Variants in ACTR3C observed in about 807,000 individuals in gnomAD.
ACTR3C encodes actin related protein 3C.
ACTR3C carries 18 observed loss-of-function variants against 26.3 expected under a neutral mutation model. The observed-to-expected ratio is 0.68, with a 90% CI of 0.47 to 1.01. ACTR3C has a LOEUF of 1.01. Ranked by LOEUF, ACTR3C falls within the 50% of genes least tolerant of loss-of-function variation. ACTR3C has a pLI of 0.00. For synonymous variants in ACTR3C, 55 were observed against 94.5 expected, an observed-to-expected ratio of 0.58 and a Z score of 2.42; for missense variants, 184 against 250.7, an observed-to-expected ratio of 0.73 and a Z score of 1.80.
the ACTR3C span, among the ~76,000 whole-genome samples, chr7:150,186,706 G>A: frequency 1.3e-5 from 2 of 152,148 alleles, no homozygotes; most frequent in African/African-American, 4.8e-5. Context: ...CATTGTGTGT[G>A]TTAGAGCTTT....
chr7:150,070,712 A>G, the ACTR3C span, among the ~76,000 whole-genome samples: 1 of 152,078 alleles, frequency 6.6e-6, no homozygotes, highest in South Asian at 2.1e-4. Flanking sequence ...CAGCCTCCCA[A>G]AGTGCTGGGA....
the ACTR3C span, among the ~76,000 whole-genome samples, chr7:150,182,212 A>T: frequency 6.6e-6 from 1 of 150,520 alleles, no homozygotes; most frequent in Admixed American, 6.6e-5. Flanking sequence ...ACAAGAAAAC[A>T]CTATAATCTA....
At chr7:150,041,724 CT>C in the ACTR3C span, among the ~76,000 whole-genome samples, 12 of 137,876 alleles carry the variant, frequency 8.7e-5, no homozygotes, top group African/African-American at 2.6e-4. Context: ...GTGCCTCCCC[CT>C]CCTGCGATGG....
At chr7:150,036,028 G>A in the ACTR3C span, among the ~76,000 whole-genome samples, 8 of 115,184 alleles carry the variant, frequency 6.9e-5, 2 homozygotes, top group African/African-American at 2.7e-4. Context: ...GGGGTCCTAA[G>A]AGCAAAGGTG....
the ACTR3C span, among the ~76,000 whole-genome samples, chr7:149,946,013 C>G: frequency 6.6e-6 from 1 of 152,138 alleles, no homozygotes; most frequent in Non-Finnish European, 1.5e-5. Context: ...GGAAGAGCCT[C>G]CAGAGAGGCC....
At chr7:150,040,056 G>C in the ACTR3C span, among the ~76,000 whole-genome samples, 1 of 138,940 alleles carries the variant, frequency 7.2e-6, no homozygotes, top group Non-Finnish European at 1.5e-5. Context: ...GCCTCGCGGG[G>C]GGTGCCTCCC....
At chr7:150,191,813 G>A in the ACTR3C span, among the ~76,000 whole-genome samples, 1 of 152,150 alleles carries the variant, frequency 6.6e-6, no homozygotes, top group Middle Eastern at 3.4e-3. Flanking sequence ...TGGATCTTTT[G>A]GATTAACCAC....
chr7:150,216,749 G>A, the ACTR3C span, among the ~76,000 whole-genome samples: 2 of 151,886 alleles, frequency 1.3e-5, no homozygotes, highest in Non-Finnish European at 2.9e-5. Flanking sequence ...CAATTTGGGA[G>A]GCCCAGGTGG....
At chr7:150,102,656 G>C in the ACTR3C span, among the ~76,000 whole-genome samples, 1 of 151,850 alleles carries the variant, frequency 6.6e-6, no homozygotes, top group African/African-American at 2.4e-5. Flanking sequence ...TCACCTTCGC[G>C]GAGACATCCT....
chr7:150,167,755 G>A, the ACTR3C span, among the ~76,000 whole-genome samples: 18 of 150,572 alleles, frequency 1.2e-4, no homozygotes, highest in South Asian at 3.5e-3. Context: ...GGGAGCAGGG[G>A]CAGTGTCTGC....
chr7:150,011,973 A>G, the ACTR3C span, among the ~76,000 whole-genome samples: 6 of 152,262 alleles, frequency 3.9e-5, no homozygotes, highest in Admixed American at 1.3e-4. Flanking sequence ...AATTGAGTAC[A>G]AGAGGCGAGA....
intron 6 of ACTR3C, among the ~76,000 whole-genome samples, chr7:150,272,163 C>G (rs1490288639): frequency 6.9e-6 from 1 of 145,686 alleles, no homozygotes; most frequent in Non-Finnish European, 1.5e-5. Context: ...TACCAACACA[C>G]AATCCAATTT....
At chr7:150,166,398 A>G in the ACTR3C span, among the ~76,000 whole-genome samples, 1 of 150,868 alleles carries the variant, frequency 6.6e-6, no homozygotes, top group Admixed American at 6.6e-5. Flanking sequence ...TGAAATATAT[A>G]ATAAAGTTTC....
the ACTR3C span, among the ~76,000 whole-genome samples, chr7:150,163,615 TC>T: frequency 2.0e-5 from 3 of 151,888 alleles, no homozygotes; most frequent in Admixed American, 1.3e-4. Context: ...GGCTGAGAAG[TC>T]CCAGAATCTG....
chr7:150,289,482 C>A lies in ACTR3C; in HGVS notation c.265G>T (p.Glu89Ter). 6.3e-7 allele frequency: 1 copy of A among 1,589,602 alleles called. No individual in the cohort carries two copies. The highest frequency in any genetic ancestry group is 8.6e-7 in the Non-Finnish European group (1 of 1,169,548). Residue 89 changes from glutamate (E) to a stop codon, truncating the protein, a stop_gained, in exon 4 of 8, where the codon GAG (glutamate) becomes TAG (stop). Transcript: ENST00000683684. LOFTEE classifies it high-confidence loss of function. ...GCTTTTGCGGTCTCCAGTGACTGCT[C>A]AGGAGGGATTCCCACCTCCCTCTCC... ...LREREVGIPP[E>*]QSLETAKAIK...
chr7:150,321,034 G>A (rs181713782), intron 1 of ACTR3C, among the ~76,000 whole-genome samples: 29 of 152,284 alleles, frequency 1.9e-4, no homozygotes, highest in African/African-American at 6.0e-4. Flanking sequence ...ACCCTGGGCT[G>A]GTCCTTAACT....
intron 1 of ACTR3C, among the ~76,000 whole-genome samples, chr7:150,299,995 AG>A (rs1173700296): frequency 6.6e-6 from 1 of 152,124 alleles, no homozygotes; most frequent in Non-Finnish European, 1.5e-5. Context: ...CAAAAAAAAA[AG>A]TTTAATTCAA....
the ACTR3C span, among the ~76,000 whole-genome samples, chr7:150,184,108 C>T: frequency 1.3e-5 from 2 of 150,768 alleles, no homozygotes; most frequent in East Asian, 1.9e-4. Context: ...TGAGAACAGA[C>T]TAATACACAC....
the ACTR3C span, among the ~76,000 whole-genome samples, chr7:150,223,500 T>C: frequency 6.8e-6 from 1 of 148,104 alleles, no homozygotes; most frequent in African/African-American, 2.6e-5. Context: ...GTTTGTTTGT[T>C]TTTAGAAACT....
Sources: gnomAD v4.1 joint callset for allele counts (sites outside exome capture counted in the v4.1 genomes callset) on GRCh38, gnomAD v4.1.1 for gene constraint, MANE v1.5 for transcripts, NCBI Gene and HGNC (gene_info 2026-07-23, HGNC 2026-07-21) for gene names.